MYO1E: variants seen among roughly 807,000 people sequenced by gnomAD.
MYO1E encodes myosin IE, also known as unconventional myosin-Ie.
MYO1E carries 68 observed loss-of-function variants against 151.1 expected under a neutral mutation model. That is an observed-to-expected ratio of 0.45 (90% CI 0.37 to 0.55). MYO1E has a LOEUF of 0.55. Ranked by LOEUF, MYO1E falls within the 20% of genes least tolerant of loss-of-function variation. The pLI, the probability that MYO1E is intolerant of heterozygous loss-of-function variation, is 0.00. For synonymous variants in MYO1E, 601 were observed against 501.7 expected (o/e 1.20, Z -2.64); for missense variants, 1,363 against 1,389.3 (o/e 0.98, Z 0.30).
chr15:59,212,474 T>TC (rs1344879936), intron 12 of MYO1E, among the ~76,000 whole-genome samples: 1 of 151,958 alleles, frequency 6.6e-6, no homozygotes, highest in Non-Finnish European at 1.5e-5. Context: ...TTGAATAGTA[T>TC]CCCCCCAAAT....
chr15:59,259,210 T>C lies in MYO1E; in HGVS notation c.237+2210A>G, dbSNP rs565739775. Among the ~76,000 whole-genome samples, 12 of 152,310 alleles carry C rather than the reference T, an allele frequency of 7.9e-5. 1 individual carries two copies. The highest frequency in any genetic ancestry group is 2.9e-4 in the African/African-American group (12 of 41,564). On this transcript the variant is annotated intron_variant, in intron 3 of 27. Coordinates refer to ENST00000288235, the MANE Select transcript of MYO1E (RefSeq NM_004998.4). The stretch of plus-strand genomic sequence containing the variant: ...GTACTTACTTGTTCTCAAATATCAT[T>C]GAGAAATAACAGAACAGTAGGGTTT...
chr15:59,227,355 G>A (rs1381297651), intron 7 of MYO1E, 104 bp downstream of exon 7: 2 of 1,397,458 alleles, frequency 1.4e-6, no homozygotes, highest in African/African-American at 2.9e-5. Context: ...ATCATCATCA[G>A]TCCTCCCTGG....
At chr15:59,333,946 C>T (rs1325340011) in intron 1 of MYO1E, among the ~76,000 whole-genome samples, 1 of 152,174 alleles carries the variant, frequency 6.6e-6, no homozygotes, top group Non-Finnish European at 1.5e-5. Flanking sequence ...GACTTCCTGA[C>T]TGAATAGACC....
chr15:59,231,810 CG>C lies in MYO1E; in HGVS notation c.421-20del, dbSNP rs763594800. On this transcript the variant is annotated intron_variant, in intron 5 of 27. Transcript: ENST00000288235. ...TCACGTGCTGTCCCAGCAAATAGAC[CG>C]GAGGTTAGGAAGGTGTGAACACCTA... 3 of 1,613,476 alleles carry C rather than the reference CG, an allele frequency of 1.9e-6. No individual in the cohort carries two copies. The Middle Eastern group carries it at 4.9e-4, about 266-fold the overall frequency.
intron 19 of MYO1E, among the ~76,000 whole-genome samples, chr15:59,175,605 T>G (rs1249513835): frequency 6.6e-6 from 1 of 152,238 alleles, no homozygotes; most frequent in Non-Finnish European, 1.5e-5. Flanking sequence ...CCAAGTGGAA[T>G]GCACAGATTA....
At chr15:59,166,792 C>T (rs1431723198) in intron 22 of MYO1E, among the ~76,000 whole-genome samples, 1 of 152,174 alleles carries the variant, frequency 6.6e-6, no homozygotes, top group Non-Finnish European at 1.5e-5. Context: ...ATGCAGGCCT[C>T]AGCAGTGACG....
At chr15:59,273,818 G>A (rs1226614708) in intron 1 of MYO1E, among the ~76,000 whole-genome samples, 9 of 152,172 alleles carry the variant, frequency 5.9e-5, no homozygotes, top group Admixed American at 4.6e-4. Context: ...TCGCCAGTGG[G>A]TAAGTGCAGT....
intron 26 of MYO1E, among the ~76,000 whole-genome samples, chr15:59,141,931 C>T: frequency 6.6e-6 from 1 of 150,958 alleles, no homozygotes; most frequent in East Asian, 1.9e-4. Context: ...CACGGTGAAA[C>T]CCCGTCTCTA....
intron 1 of MYO1E, among the ~76,000 whole-genome samples, chr15:59,330,728 G>A (rs573528391): frequency 3.2e-4 from 48 of 152,266 alleles, no homozygotes; most frequent in Admixed American, 8.5e-4. Context: ...ACTACAGCCC[G>A]TGAGCCAAAT....
At chr15:59,333,712 C>T (rs1292549068) in intron 1 of MYO1E, among the ~76,000 whole-genome samples, 4 of 152,210 alleles carry the variant, frequency 2.6e-5, no homozygotes, top group Non-Finnish European at 5.9e-5. Flanking sequence ...TCCTGCCTGG[C>T]TTTCAGCTTC....
intron 1 of MYO1E, among the ~76,000 whole-genome samples, chr15:59,325,046 T>C (rs76042609): frequency 6.6e-6 from 1 of 152,008 alleles, no homozygotes. Context: ...TTTTTTTTTT[T>C]TATTTCTGGG....
chr15:59,308,219 T>C (rs2080526926), intron 1 of MYO1E, among the ~76,000 whole-genome samples: 1 of 70,602 alleles, frequency 1.4e-5, no homozygotes. Context: ...TGAGACTCTG[T>C]CTCAAAAAAA....
At chr15:59,247,846 C>A (rs7164864) in intron 4 of MYO1E, among the ~76,000 whole-genome samples, 1 of 152,214 alleles carries the variant, frequency 6.6e-6, no homozygotes, top group Non-Finnish European at 1.5e-5. Flanking sequence ...CCTAGGCCAG[C>A]CATGGCAGCT....
intron 2 of MYO1E, among the ~76,000 whole-genome samples, chr15:59,270,399 C>A (rs1220507446): frequency 1.3e-5 from 2 of 151,854 alleles, no homozygotes; most frequent in Non-Finnish European, 2.9e-5. Context: ...AAAAAATCAG[C>A]CAGGCATCGT....
At chr15:59,359,888 G>A (rs2140440094) in intron 1 of MYO1E, 1 of 152,312 alleles carries the variant, frequency 6.6e-6, no homozygotes, top group South Asian at 2.1e-4. Context: ...TTAAAGGGAA[G>A]CTATTTGCTT....
At chr15:59,138,878 G>A (rs1214732840) in intron 26 of MYO1E, among the ~76,000 whole-genome samples, 5 of 152,192 alleles carry the variant, frequency 3.3e-5, no homozygotes, top group South Asian at 4.1e-4. Flanking sequence ...TTTGTGGTCC[G>A]ACTGTCAACT....
At chr15:59,190,728 T>C (rs77454151) in intron 17 of MYO1E, among the ~76,000 whole-genome samples, 2,447 of 152,268 alleles carry the variant, frequency 0.016, 74 homozygotes, top group East Asian at 0.036. Flanking sequence ...TCTAGACGAG[T>C]ACTTTCTATG....
At chr15:59,182,018 G>A (rs1345876151) in intron 18 of MYO1E, among the ~76,000 whole-genome samples, 1 of 152,128 alleles carries the variant, frequency 6.6e-6, no homozygotes, top group Admixed American at 6.5e-5. Flanking sequence ...CAAGATCCCA[G>A]ACTCATGCGT....
intron 22 of MYO1E, among the ~76,000 whole-genome samples, chr15:59,171,585 G>A (rs1330038461): frequency 6.6e-5 from 10 of 152,200 alleles, no homozygotes; most frequent in Non-Finnish European, 1.3e-4. Context: ...ACTGCAACAA[G>A]AGAAATTATT....
Sources: gnomAD v4.1 joint callset for allele counts (sites outside exome capture counted in the v4.1 genomes callset) on GRCh38, gnomAD v4.1.1 for gene constraint, MANE v1.5 for transcripts, NCBI Gene and HGNC (gene_info 2026-07-23, HGNC 2026-07-21) for gene names.